Variants in SRGAP2C observed in about 807,000 individuals in gnomAD.
The protein encoded by SRGAP2C is SLIT-ROBO Rho GTPase activating protein 2C.
Under a neutral mutation model 25.1 loss-of-function variants are expected in SRGAP2C, and 15 were observed. The ratio of observed to expected loss-of-function variants is 0.60; its 90% CI spans 0.40 to 0.92. The LOEUF (loss-of-function observed/expected upper bound fraction) is 0.92, where lower values mean the gene tolerates loss of function less well. SRGAP2C is among the 40% of genes least tolerant of loss of function. The pLI is 0.00. For missense variants in SRGAP2C, 144 were observed against 264.4 expected (o/e 0.54, Z 3.16); for synonymous variants, 44 against 96.6 (o/e 0.46, Z 3.19).
chr1:121,368,572 C>A (rs1205261069), intron 5 of SRGAP2C, among the ~76,000 whole-genome samples: 1 of 151,940 alleles, frequency 6.6e-6, no homozygotes, highest in East Asian at 1.9e-4. Context: ...AGTGCTGAAA[C>A]TGGAAAAGTT....
intron 2 of SRGAP2C, among the ~76,000 whole-genome samples, chr1:121,240,855 G>A (rs1305197629): frequency 1.7e-5 from 2 of 118,428 alleles, no homozygotes; most frequent in Admixed American, 8.4e-5. Flanking sequence ...AAGAGACAGG[G>A]TCTCATCCTG....
chr1:121,282,585 C>T (rs1366722645), intron 2 of SRGAP2C, among the ~76,000 whole-genome samples: 18 of 151,908 alleles, frequency 1.2e-4, no homozygotes, highest in African/African-American at 3.4e-4. Flanking sequence ...GACGGAGTCT[C>T]GCTCTGTCGC....
At chr1:121,356,727 G>GC (rs1487687075) in intron 4 of SRGAP2C, among the ~76,000 whole-genome samples, 1 of 151,908 alleles carries the variant, frequency 6.6e-6, no homozygotes, top group Non-Finnish European at 1.5e-5. Context: ...AAGACATTAC[G>GC]CCCCCACCCA....
chr1:121,270,273 T>C (rs1331831715), intron 2 of SRGAP2C, among the ~76,000 whole-genome samples: 3 of 151,938 alleles, frequency 2.0e-5, no homozygotes, highest in Non-Finnish European at 4.4e-5. Context: ...TTTTAAGACA[T>C]GGCTACTTTA....
rs377072432 is a variant in SRGAP2C, at chr1:121,357,740, A to G, written c.424-7553A>G. Among the ~76,000 whole-genome samples, 716 of 98,290 alleles carry G rather than the reference A, an allele frequency of 7.3e-3. 2 individuals are homozygous for G. The highest frequency in any genetic ancestry group is 0.01 in the Non-Finnish European group (509 of 49,464). 64.5% of individuals were successfully genotyped at this position (98,290 alleles called of 152,430 possible). On this transcript the variant is annotated intron_variant, in intron 4 of 9. Transcript: ENST00000367123. Reference sequence around the variant, plus strand: ...GTTTCCAGGACCTTCGCAATTCCACATAGCATCTTTAACATGTTTGAGAGT... The same window carrying G: ...GTTTCCAGGACCTTCGCAATTCCACGTAGCATCTTTAACATGTTTGAGAGT...
intron 3 of SRGAP2C, among the ~76,000 whole-genome samples, chr1:121,290,667 T>TA (rs1167584212): frequency 1.9e-5 from 1 of 51,638 alleles, no homozygotes; most frequent in East Asian, 4.3e-4. Context: ...CTACAAAAAA[T>TA]AAAAAATTAG....
chr1:121,216,269 C>A (rs1389217599), intron 2 of SRGAP2C, among the ~76,000 whole-genome samples: 2 of 152,002 alleles, frequency 1.3e-5, no homozygotes, highest in Non-Finnish European at 2.9e-5. Context: ...GAGGGACAGT[C>A]CCACTTTTGC....
intron 2 of SRGAP2C, among the ~76,000 whole-genome samples, chr1:121,191,081 G>T (rs1281423984): frequency 6.6e-6 from 1 of 152,164 alleles, no homozygotes; most frequent in Non-Finnish European, 1.5e-5. Context: ...GAAAGTTCAT[G>T]CCTCTCAATG....
intron 3 of SRGAP2C, among the ~76,000 whole-genome samples, chr1:121,312,543 C>G (rs1657988939): frequency 9.7e-6 from 1 of 103,566 alleles, no homozygotes; most frequent in Non-Finnish European, 2.0e-5. Context: ...ATCTTTCCTG[C>G]TTTCTCTTGT....
chr1:121,217,773 T>C (rs1655428163), intron 2 of SRGAP2C, among the ~76,000 whole-genome samples: 2 of 152,240 alleles, frequency 1.3e-5, no homozygotes, highest in Non-Finnish European at 2.9e-5. Flanking sequence ...TGTTATGTGG[T>C]ATAGAAGTCC....
At chr1:121,352,815 CA>C (rs1423331637) in intron 4 of SRGAP2C, among the ~76,000 whole-genome samples, 1 of 147,870 alleles carries the variant, frequency 6.8e-6, no homozygotes, top group Non-Finnish European at 1.5e-5. Flanking sequence ...ATTGGCCGGG[CA>C]CGGTGGCTCA....
Position 121,201,029 on chromosome 1 carries a change from C to CTT in SRGAP2C, c.67+13528_67+13529dup, listed in dbSNP as rs200543551. Among the ~76,000 whole-genome samples, 404 of 115,522 alleles carry CTT rather than the reference C, an allele frequency of 3.5e-3. 1 individual carries two copies. Among genetic ancestry groups the CTT allele is most frequent in the East Asian group, 0.014 (55 of 3,880 alleles). The allele number at this position is 115,522 out of a possible 152,430, so 75.8% of individuals were successfully genotyped here. ...TTCTACTTCTGGTTTAAGGTTTCAT[C>CTT]TTTTTTTTTTTTTCTTTGTTTTCTT... On this transcript the variant is annotated intron_variant, in intron 2 of 9. Coordinates refer to ENST00000367123, the MANE Select transcript of SRGAP2C (RefSeq NM_001329984.2).
intron 3 of SRGAP2C, among the ~76,000 whole-genome samples, chr1:121,320,872 T>G (rs1176617986): frequency 6.6e-6 from 1 of 152,098 alleles, no homozygotes; most frequent in Non-Finnish European, 1.5e-5. Flanking sequence ...ATATTAAGCA[T>G]GTTGATTTTC....
intron 4 of SRGAP2C, among the ~76,000 whole-genome samples, chr1:121,364,032 G>T (rs1242479288): frequency 6.7e-6 from 1 of 148,782 alleles, no homozygotes; most frequent in Non-Finnish European, 1.5e-5. Context: ...GATCTTAAAT[G>T]ATTGTGTATC....
intron 4 of SRGAP2C, chr1:121,362,706 G>T (rs1659226973): frequency 6.6e-6 from 1 of 151,352 alleles, no homozygotes; most frequent in Non-Finnish European, 1.5e-5. Flanking sequence ...TCCTGACCCT[G>T]TTGCTGACTC....
chr1:121,212,487 G>T lies in SRGAP2C; in HGVS notation c.67+24974G>T, dbSNP rs1655290144. ...GGAGCATTTGCAAGGAAGAGTGGCA[G>T]TGGCAGTATTGTATGGGGAGCTCTG... On this transcript the variant is annotated intron_variant, in intron 2 of 9. Coordinates refer to ENST00000367123, the MANE Select transcript of SRGAP2C (RefSeq NM_001329984.2). 2.0e-5 allele frequency among the ~76,000 whole-genome samples: 3 copies of T among 151,770 alleles called. No individual in the cohort carries two copies. In the South Asian group the frequency reaches 6.2e-4, roughly 31 times the overall value.
chr1:121,225,778 C>T (rs1655651465), intron 2 of SRGAP2C, among the ~76,000 whole-genome samples: 1 of 146,404 alleles, frequency 6.8e-6, no homozygotes, highest in Admixed American at 6.8e-5. Context: ...GATCTCAGCT[C>T]ACTGCAACCT....
At chr1:121,198,662 C>A (rs1570698203) in intron 2 of SRGAP2C, among the ~76,000 whole-genome samples, 1 of 149,080 alleles carries the variant, frequency 6.7e-6, no homozygotes, top group East Asian at 2.0e-4. Context: ...TGCTTCCTTT[C>A]CCCATTAGAT....
At chr1:121,223,337 A>T (rs879968168) in intron 2 of SRGAP2C, among the ~76,000 whole-genome samples, 3 of 115,608 alleles carry the variant, frequency 2.6e-5, no homozygotes, top group South Asian at 3.0e-4. Context: ...TTATTTTTTA[A>T]TGCTGGGAGG....
Sources: gnomAD v4.1 joint callset for allele counts (sites outside exome capture counted in the v4.1 genomes callset) on GRCh38, gnomAD v4.1.1 for gene constraint, MANE v1.5 for transcripts, NCBI Gene and HGNC (gene_info 2026-07-23, HGNC 2026-07-21) for gene names.